Variants in TNFSF4 observed in about 807,000 individuals in gnomAD.
TNFSF4 encodes the protein TNF superfamily member 4.
A neutral mutation model predicts 7.3 loss-of-function variants in TNFSF4; 4 were observed. That is an observed-to-expected ratio of 0.55 (90% confidence interval 0.27 to 1.25). TNFSF4 has a LOEUF of 1.25. Among genes scored for constraint, TNFSF4 ranks in the 50% most tolerant of loss-of-function variants. The pLI, the probability that TNFSF4 is intolerant of heterozygous loss-of-function variation, is 0.12. For synonymous variants in TNFSF4, 76 were observed against 83.7 expected (o/e 0.91, Z 0.50); for missense variants, 181 against 208.8 (o/e 0.87, Z 0.82).
the TNFSF4 span, among the ~76,000 whole-genome samples, chr1:173,425,302 A>G: frequency 2.6e-5 from 4 of 152,206 alleles, no homozygotes; most frequent in Non-Finnish European, 5.9e-5. Context: ...TTTCTGTGTG[A>G]CCATTGACAG....
chr1:173,189,317 T>C (rs1649373177), intron 1 of TNFSF4, among the ~76,000 whole-genome samples: 1 of 152,170 alleles, frequency 6.6e-6, no homozygotes. Flanking sequence ...ACTCCCAGAA[T>C]GCACTGGGAG....
chr1:173,261,189 C>T, the TNFSF4 span, among the ~76,000 whole-genome samples: 1 of 151,848 alleles, frequency 6.6e-6, no homozygotes, highest in Non-Finnish European at 1.5e-5. Flanking sequence ...AGAAACCACA[C>T]AACTACACAG....
the TNFSF4 span, among the ~76,000 whole-genome samples, chr1:173,414,886 T>C: frequency 2.6e-5 from 4 of 152,234 alleles, no homozygotes; most frequent in East Asian, 7.7e-4. Flanking sequence ...CAAACTTTAG[T>C]CGGGTTCCCT....
At chr1:173,304,215 A>G in the TNFSF4 span, among the ~76,000 whole-genome samples, 1 of 151,950 alleles carries the variant, frequency 6.6e-6, no homozygotes, top group Admixed American at 6.6e-5. Context: ...TTTCCATAGA[A>G]CTTGTGAAAA....
chr1:173,204,393 C>T (rs1051765441), intron 1 of TNFSF4, among the ~76,000 whole-genome samples: 7 of 152,022 alleles, frequency 4.6e-5, no homozygotes, highest in African/African-American at 1.7e-4. Context: ...ACAAAATATT[C>T]TGCATTTCCT....
chr1:173,395,674 A>G, the TNFSF4 span, among the ~76,000 whole-genome samples: 1 of 152,030 alleles, frequency 6.6e-6, no homozygotes, highest in Non-Finnish European at 1.5e-5. Context: ...CTGAAATACA[A>G]CACAAGTTAA....
At chr1:173,280,449 TG>T in the TNFSF4 span, among the ~76,000 whole-genome samples, 6 of 152,160 alleles carry the variant, frequency 3.9e-5, no homozygotes, top group African/African-American at 1.4e-4. Flanking sequence ...AATAAATGGG[TG>T]GGGGCATGGG....
chr1:173,299,750 C>T, the TNFSF4 span, among the ~76,000 whole-genome samples: 14 of 151,952 alleles, frequency 9.2e-5, no homozygotes, highest in East Asian at 1.2e-3. Flanking sequence ...CAGAGTTAAC[C>T]TGTTTCTCAG....
chr1:173,206,599 C>G (rs1038150159), intron 1 of TNFSF4, among the ~76,000 whole-genome samples: 34 of 152,148 alleles, frequency 2.2e-4, no homozygotes, highest in Admixed American at 1.0e-3. Flanking sequence ...CCTTGCAGGT[C>G]TATAGGGTAT....
chr1:173,415,658 A>C, the TNFSF4 span, among the ~76,000 whole-genome samples: 3 of 152,250 alleles, frequency 2.0e-5, no homozygotes, highest in Non-Finnish European at 4.4e-5. Context: ...TAGGCAAATC[A>C]GCTAACCTCT....
the TNFSF4 span, among the ~76,000 whole-genome samples, chr1:173,389,252 G>A: frequency 3.3e-5 from 5 of 152,072 alleles, no homozygotes; most frequent in African/African-American, 4.8e-5. Context: ...TAGATATCTA[G>A]CAGTCAATGA....
the TNFSF4 span, among the ~76,000 whole-genome samples, chr1:173,381,750 G>A: frequency 6.6e-6 from 1 of 152,196 alleles, no homozygotes; most frequent in Non-Finnish European, 1.5e-5. Context: ...GTTTAGAGGG[G>A]GGATTGACAG....
At chr1:173,414,074 C>A in the TNFSF4 span, among the ~76,000 whole-genome samples, 13,570 of 152,186 alleles carry the variant, frequency 0.089, 755 homozygotes, top group East Asian at 0.28. Flanking sequence ...ATGTTCAGTT[C>A]TCATCGTAAA....
chr1:173,266,084 C>G, the TNFSF4 span, among the ~76,000 whole-genome samples: 1 of 152,116 alleles, frequency 6.6e-6, no homozygotes, highest in Non-Finnish European at 1.5e-5. Context: ...CAAAGATAAT[C>G]ATTAATGAAT....
the TNFSF4 span, among the ~76,000 whole-genome samples, chr1:173,330,810 T>C: frequency 1.3e-5 from 2 of 152,140 alleles, no homozygotes; most frequent in Non-Finnish European, 1.5e-5. Context: ...CTTACCCCTA[T>C]TTAGCAAATT....
At chr1:173,433,006 A>G in the TNFSF4 span, among the ~76,000 whole-genome samples, 1 of 152,222 alleles carries the variant, frequency 6.6e-6, no homozygotes, top group Non-Finnish European at 1.5e-5. Context: ...CATATACGTA[A>G]CATATACATA....
the TNFSF4 span, among the ~76,000 whole-genome samples, chr1:173,177,140 G>A: frequency 6.6e-6 from 1 of 151,926 alleles, no homozygotes; most frequent in African/African-American, 2.4e-5. Context: ...TTTAAAAATG[G>A]TTGAAAAGGT....
chr1:173,441,966 CA>C, the TNFSF4 span: 1 of 152,300 alleles, frequency 6.6e-6, no homozygotes, highest in Non-Finnish European at 1.5e-5. Context: ...GAGGTGGCTC[CA>C]AAAAGGTGGA....
chr1:173,247,014 T>G, the TNFSF4 span, among the ~76,000 whole-genome samples: 1 of 152,356 alleles, frequency 6.6e-6, no homozygotes, highest in East Asian at 1.9e-4. Flanking sequence ...TCCCAGGGAA[T>G]CTAATGCCTT....
Sources: allele counts gnomAD v4.1 joint callset (sites outside exome capture counted in the v4.1 genomes callset), GRCh38; gene constraint gnomAD v4.1.1; transcripts MANE v1.5; gene names NCBI Gene and HGNC (gene_info 2026-07-23, HGNC 2026-07-21).